GALNT13: variants seen among roughly 807,000 people sequenced by gnomAD.
The protein encoded by GALNT13 is polypeptide N-acetylgalactosaminyltransferase 13, also known as UDP-GalNAc:polypeptide N-acetylgalactosaminyltransferase 13.
Under a neutral mutation model 64.2 loss-of-function variants are expected in GALNT13, and 28 were observed. That is an observed-to-expected ratio of 0.44 (90% CI 0.32 to 0.60). The LOEUF (loss-of-function observed/expected upper bound fraction) is 0.60, where lower values mean the gene tolerates loss of function less well. Ranked by LOEUF, GALNT13 falls within the 20% of genes least tolerant of loss-of-function variation. The pLI is 0.05. For synonymous variants in GALNT13, 214 were observed against 224.6 expected (o/e 0.95, Z 0.42); for missense variants, 577 against 669.8 (o/e 0.86, Z 1.53).
At chr2:154,215,174 C>T (rs747975733) in intron 4 of GALNT13, among the ~76,000 whole-genome samples, 2 of 152,162 alleles carry the variant, frequency 1.3e-5, no homozygotes, top group African/African-American at 2.4e-5. Flanking sequence ...AGCTCTCACT[C>T]TCCCTTGACT....
the GALNT13 span, among the ~76,000 whole-genome samples, chr2:153,460,526 T>G: frequency 6.6e-6 from 1 of 152,120 alleles, no homozygotes; most frequent in East Asian, 1.9e-4. Flanking sequence ...TATTTACCTG[T>G]GAAAGAATTT....
intron 9 of GALNT13, among the ~76,000 whole-genome samples, chr2:154,345,782 A>G (rs914776824): frequency 6.6e-6 from 1 of 152,010 alleles, no homozygotes; most frequent in Non-Finnish European, 1.5e-5. Flanking sequence ...ACAAATGCTC[A>G]TTTCTATTGT....
chr2:153,432,247 G>A, the GALNT13 span, among the ~76,000 whole-genome samples: 2 of 152,148 alleles, frequency 1.3e-5, no homozygotes, highest in Non-Finnish European at 2.9e-5. Flanking sequence ...AAAGCCACAG[G>A]ATAGTATTCC....
At chr2:154,266,975 C>G (rs1295919478) in intron 8 of GALNT13, among the ~76,000 whole-genome samples, 8 of 151,824 alleles carry the variant, frequency 5.3e-5, no homozygotes, top group Admixed American at 5.2e-4. Context: ...CTATAATAAT[C>G]AAGACTGTGT....
intron 3 of GALNT13, among the ~76,000 whole-genome samples, chr2:154,024,942 G>A (rs1263172512): frequency 6.6e-6 from 1 of 152,152 alleles, no homozygotes; most frequent in Non-Finnish European, 1.5e-5. Context: ...GTCTGTTGGA[G>A]TTTGCTAGAG....
At chr2:153,655,572 A>T in the GALNT13 span, among the ~76,000 whole-genome samples, 1 of 152,138 alleles carries the variant, frequency 6.6e-6, no homozygotes, top group Non-Finnish European at 1.5e-5. Flanking sequence ...TCTTATCCTA[A>T]CTATCAAGAA....
chr2:153,655,213 C>G, the GALNT13 span, among the ~76,000 whole-genome samples: 8 of 152,136 alleles, frequency 5.3e-5, no homozygotes, highest in South Asian at 1.7e-3. Context: ...ATTTATTACA[C>G]ATAATTTATC....
At chr2:153,450,464 G>A in the GALNT13 span, among the ~76,000 whole-genome samples, 13 of 152,038 alleles carry the variant, frequency 8.6e-5, no homozygotes, top group African/African-American at 3.1e-4. Flanking sequence ...GAACTCAGAC[G>A]CTGGTTTTGT....
chr2:153,174,825 C>T, the GALNT13 span, among the ~76,000 whole-genome samples: 1 of 152,260 alleles, frequency 6.6e-6, no homozygotes, highest in African/African-American at 2.4e-5. Context: ...TTTCTTCCAA[C>T]ACTCTCTTTA....
the GALNT13 span, among the ~76,000 whole-genome samples, chr2:153,806,401 A>G: frequency 6.6e-6 from 1 of 152,110 alleles, no homozygotes; most frequent in African/African-American, 2.4e-5. Flanking sequence ...TTTATCTTAT[A>G]CTACTGGGTG....
the GALNT13 span, among the ~76,000 whole-genome samples, chr2:153,626,494 T>C: frequency 6.6e-6 from 1 of 152,136 alleles, no homozygotes; most frequent in African/African-American, 2.4e-5. Context: ...TATATAAACT[T>C]TTCTCAATTA....
intron 9 of GALNT13, among the ~76,000 whole-genome samples, chr2:154,333,242 A>G (rs997663133): frequency 1.3e-5 from 2 of 152,082 alleles, no homozygotes; most frequent in East Asian, 1.9e-4. Context: ...TATCACTGAT[A>G]TTGGAGTTAT....
chr2:154,128,063 T>C (rs1682397399), intron 3 of GALNT13, among the ~76,000 whole-genome samples: 1 of 152,036 alleles, frequency 6.6e-6, no homozygotes, highest in Admixed American at 6.5e-5. Context: ...GAAATTATTT[T>C]ATTAAAGCAA....
chr2:154,148,797 G>T (rs999568638), intron 4 of GALNT13, among the ~76,000 whole-genome samples: 1 of 152,040 alleles, frequency 6.6e-6, no homozygotes. Flanking sequence ...TTGTAAATTT[G>T]TTTGAGTTCA....
chr2:153,377,692 G>C, the GALNT13 span, among the ~76,000 whole-genome samples: 2 of 152,094 alleles, frequency 1.3e-5, no homozygotes, highest in South Asian at 4.1e-4. Context: ...AGAACCATGA[G>C]CCAAATAAAG....
In GALNT13 at chr2:154,401,293, T is replaced by G. The variant is rs534768954; in HGVS notation, c.1296+5163T>G. 1.2e-4 allele frequency among the ~76,000 whole-genome samples: 19 copies of G among 152,250 alleles called. No homozygotes were observed. In the South Asian group the frequency reaches 3.5e-3, roughly 28 times the overall value. The stretch of plus-strand genomic sequence containing the variant: ...TGCCAAATGCAGAAGCTAAAACGCT[T>G]AAAAGTTTACCCTTTCTGTTGGTAA... On this transcript the variant is annotated intron_variant, in intron 10 of 12. Transcript: ENST00000392825.
At chr2:153,909,949 G>A (rs1688828453) in intron 2 of GALNT13, among the ~76,000 whole-genome samples, 1 of 152,104 alleles carries the variant, frequency 6.6e-6, no homozygotes, top group Non-Finnish European at 1.5e-5. Context: ...CTCATAGAAT[G>A]AGTTGGGGAG....
rs5835492 is a variant in GALNT13, at chr2:153,943,499, A to AT, written c.-104-883dup. 2.8e-4 allele frequency among the ~76,000 whole-genome samples: 41 copies of AT among 148,490 alleles called. 1 individual carries two copies. The highest frequency in any genetic ancestry group is 6.2e-4 in the African/African-American group (25 of 40,512). On this transcript the variant is annotated intron_variant, in intron 2 of 12. Transcript: ENST00000392825. ...TTATTTTATTTTTACGTATGTATGT[A>AT]TTTTTTTTTTTTGAGACAGAGTTTT...
the GALNT13 span, among the ~76,000 whole-genome samples, chr2:153,584,257 G>C: frequency 6.6e-6 from 1 of 152,082 alleles, no homozygotes; most frequent in African/African-American, 2.4e-5. Flanking sequence ...CCATTATTGA[G>C]GGGGCTTGAG....
Sources: gnomAD v4.1 joint callset for allele counts (sites outside exome capture counted in the v4.1 genomes callset) on GRCh38, gnomAD v4.1.1 for gene constraint, MANE v1.5 for transcripts, NCBI Gene and HGNC (gene_info 2026-07-23, HGNC 2026-07-21) for gene names.